BTD: variants seen among roughly 807,000 people sequenced by gnomAD.
BTD encodes the protein biocytinase.
In BTD, 13 loss-of-function variants were observed where a neutral mutation model predicts 17.7. The ratio of observed to expected loss-of-function variants is 0.74; its 90% CI spans 0.48 to 1.17. The LOEUF (loss-of-function observed/expected upper bound fraction) is 1.17. BTD is among the 50% of genes most tolerant of loss of function. BTD has a pLI of 0.00. For missense variants in BTD, 674 were observed against 650.4 expected (o/e 1.04, Z -0.39); for synonymous variants, 240 against 245.2 (o/e 0.98, Z 0.20).
At chr3:15,664,717 T>A (rs902708067) in intron 3 of BTD, among the ~76,000 whole-genome samples, 2 of 120,824 alleles carry the variant, frequency 1.7e-5, no homozygotes, top group Non-Finnish European at 4.1e-5. Context: ...TTGGCTTCCA[T>A]GAAGGGATTT....
downstream of BTD, among the ~76,000 whole-genome samples, chr3:15,656,100 G>T (rs994742561): frequency 3.3e-5 from 5 of 152,180 alleles, no homozygotes; most frequent in Non-Finnish European, 7.3e-5. Flanking sequence ...ACTGCACCCA[G>T]CCTACTTTGT....
At chr3:15,686,289 A>T (rs760680259) in intron 3 of BTD, 18 of 1,584,654 alleles carry the variant, frequency 1.1e-5, no homozygotes, top group Non-Finnish European at 1.5e-5. Flanking sequence ...AGCCGTAAGC[A>T]TTCTGAATGA....
intron 3 of BTD, among the ~76,000 whole-genome samples, chr3:15,679,842 T>G (rs1178295815): frequency 6.6e-6 from 1 of 151,908 alleles, no homozygotes; most frequent in Non-Finnish European, 1.5e-5. Context: ...TTAAAAATAT[T>G]TGGGGGAAAA....
chr3:15,685,480 T>A, intron 3 of BTD: 1 of 1,599,116 alleles, frequency 6.3e-7, no homozygotes, highest in Non-Finnish European at 8.6e-7. Context: ...GTCAAACATA[T>A]TATGCTAAAC....
At chr3:15,619,146 G>T (rs1356295853) in intron 1 of BTD, among the ~76,000 whole-genome samples, 1 of 152,322 alleles carries the variant, frequency 6.6e-6, no homozygotes, top group Non-Finnish European at 1.5e-5. Context: ...AAAGTCTCTA[G>T]TTTCTCACCA....
chr3:15,662,665 T>G (rs1422813918), intron 3 of BTD, among the ~76,000 whole-genome samples: 1 of 152,128 alleles, frequency 6.6e-6, no homozygotes, highest in African/African-American at 2.4e-5. Flanking sequence ...GGGCCATCCA[T>G]GTCTTGTTCC....
intron 2 of BTD, among the ~76,000 whole-genome samples, chr3:15,638,617 A>G (rs145569572): frequency 8.7e-4 from 133 of 152,352 alleles, no homozygotes; most frequent in Middle Eastern, 6.8e-3. Flanking sequence ...CAAAGTTGTT[A>G]TAAGAGGTTC....
At chr3:15,676,707 C>A (rs771380700) in intron 3 of BTD, 10 of 307,860 alleles carry the variant, frequency 3.2e-5, no homozygotes, top group Non-Finnish European at 5.5e-5. Flanking sequence ...AATAGTACTA[C>A]TTTCCTTCAG....
chr3:15,714,392 T>A (rs557489225), downstream of BTD, among the ~76,000 whole-genome samples: 1 of 152,122 alleles, frequency 6.6e-6, no homozygotes, highest in East Asian at 1.9e-4. Flanking sequence ...AACAAAAGTA[T>A]GAAAGATACA....
chr3:15,661,294 GAA>G (rs894881060), intron 3 of BTD, among the ~76,000 whole-genome samples: 9 of 95,876 alleles, frequency 9.4e-5, no homozygotes, highest in South Asian at 3.7e-4. Context: ...AAAAAAAAAA[GAA>G]AAAGAAAAAG....
intron 3 of BTD, among the ~76,000 whole-genome samples, chr3:15,696,545 C>G (rs1227237208): frequency 3.9e-5 from 6 of 152,048 alleles, no homozygotes; most frequent in Admixed American, 3.3e-4. Flanking sequence ...ATACCACCAC[C>G]TATTCTACTA....
intron 3 of BTD, chr3:15,675,850 AAAGAT>A: frequency 7.0e-7 from 1 of 1,431,964 alleles, no homozygotes; most frequent in Non-Finnish European, 9.5e-7. Context: ...ATATGGATCA[AAAGAT>A]AAAAGCTCTA....
At chr3:15,656,663 C>T (rs1373778412), downstream of BTD, among the ~76,000 whole-genome samples, 1 of 152,116 alleles carries the variant, frequency 6.6e-6, no homozygotes, top group African/African-American at 2.4e-5. Flanking sequence ...TTTTATAAAA[C>T]AAAAACAAAG....
intron 3 of BTD, chr3:15,686,142 TC>T: frequency 6.2e-7 from 1 of 1,606,310 alleles, no homozygotes; most frequent in Non-Finnish European, 8.5e-7. Flanking sequence ...AGGAATAGGT[TC>T]AGTGCTGTCA....
chr3:15,631,885 G>C (rs942677219), intron 1 of BTD, among the ~76,000 whole-genome samples: 1 of 152,226 alleles, frequency 6.6e-6, no homozygotes, highest in African/African-American at 2.4e-5. Context: ...CTGCTCTTAT[G>C]AGTCCAGAAT....
intron 3 of BTD, chr3:15,694,619 C>T: frequency 1.6e-6 from 1 of 618,232 alleles, no homozygotes; most frequent in South Asian, 3.8e-5. Context: ...AGTTTTAATT[C>T]CATGATAACT....
chr3:15,601,837 G>C lies in BTD; in HGVS notation c.-74G>C. The C allele has an allele frequency of 6.2e-7, 1 of 1,614,224 alleles. No individual in the cohort carries two copies. The highest frequency in any genetic ancestry group is 1.3e-5 in the African/African-American group (1 of 75,062). On this transcript the variant is annotated 5_prime_UTR_variant, in exon 1 of 4. Transcript: ENST00000643237. ...GTCGGCCAGCTGGAGCGTTTTCGGG[G>C]CTGTAAAGGGAGAATGGCGCATGCG...
chr3:15,686,210 A>G (rs1350574846), intron 3 of BTD: 2 of 1,589,544 alleles, frequency 1.3e-6, no homozygotes, highest in Admixed American at 1.8e-5. Context: ...ACAATTATTT[A>G]TCGAAACTTA....
downstream of BTD, among the ~76,000 whole-genome samples, chr3:15,716,833 A>G (rs112983005): frequency 3.7e-3 from 567 of 152,320 alleles, 5 homozygotes; most frequent in Non-Finnish European, 4.3e-3. Context: ...ACGGTGGCTC[A>G]TATCTATAAT....
Sources: allele counts gnomAD v4.1 joint callset (sites outside exome capture counted in the v4.1 genomes callset), GRCh38; gene constraint gnomAD v4.1.1; transcripts MANE v1.5; gene names NCBI Gene and HGNC (gene_info 2026-07-23, HGNC 2026-07-21).